Variants in ANXA3 observed in about 807,000 individuals in gnomAD.
The protein encoded by ANXA3 is annexin A3.
A neutral mutation model predicts 48.8 loss-of-function variants in ANXA3; 46 were observed. That is an observed-to-expected ratio of 0.94 (90% confidence interval 0.74 to 1.21). ANXA3 has a LOEUF of 1.21. ANXA3 is among the 50% of genes most tolerant of loss of function. ANXA3 has a pLI of 0.00. For missense variants in ANXA3, 383 were observed against 378.6 expected, an observed-to-expected ratio of 1.01 and a Z score of -0.10; for synonymous variants, 128 against 134.7, an observed-to-expected ratio of 0.95 and a Z score of 0.35.
intron 1 of ANXA3, among the ~76,000 whole-genome samples, 186 bp from the exon 2 acceptor site, chr4:78,554,250 G>A (rs1281641671): frequency 6.6e-6 from 1 of 152,090 alleles, no homozygotes; most frequent in East Asian, 1.9e-4. Context: ...CCTTGCATAT[G>A]GTAGATGCTC....
At chr4:78,604,977 C>T (rs1220089410) in intron 12 of ANXA3, among the ~76,000 whole-genome samples, 3 of 152,154 alleles carry the variant, frequency 2.0e-5, no homozygotes, top group African/African-American at 7.2e-5. Context: ...GGGATGAATT[C>T]TCAGAAGTAG....
chr4:78,605,486 T>C (rs1457880275), intron 12 of ANXA3, among the ~76,000 whole-genome samples: 1 of 152,230 alleles, frequency 6.6e-6, no homozygotes. Context: ...TCTAAGACGT[T>C]TTTCACATAA....
intron 2 of ANXA3, among the ~76,000 whole-genome samples, chr4:78,558,777 TTATTGGTTTG>T (rs1421919608): frequency 6.6e-6 from 1 of 152,232 alleles, no homozygotes; most frequent in Non-Finnish European, 1.5e-5. Flanking sequence ...GCCTGATATC[TTATTGGTTTG>T]TACTCCTTGG....
chr4:78,595,541 T>C, intron 8 of ANXA3, 104 bp downstream of exon 8: 1 of 342,504 alleles, frequency 2.9e-6, no homozygotes, highest in Non-Finnish European at 4.3e-6. Flanking sequence ...GGGACTTTTC[T>C]TTTTTTTTTT....
intron 7 of ANXA3, among the ~76,000 whole-genome samples, chr4:78,593,477 C>G (rs1050364312): frequency 6.6e-6 from 1 of 151,258 alleles, no homozygotes; most frequent in Non-Finnish European, 1.5e-5. Context: ...GCTGGGATTA[C>G]AGGCGTGAGC....
Position 78,604,222 on chromosome 4 carries a change from A to G in ANXA3, c.790-55A>G, listed in dbSNP as rs1001969742. On this transcript the variant is annotated intron_variant, in intron 11 of 12. Transcript: ENST00000264908. ...CTGATTCTTATAAATATAGATCTCT[A>G]TGTTGCTTTGTGACCAATGACATTT... is the stretch of plus-strand genomic sequence containing the variant. The G allele has an allele frequency of 3.4e-5, 52 of 1,516,136 alleles. No individual in the cohort carries two copies. The Admixed American group carries it at 3.5e-4, about 10-fold the overall frequency. The allele number at this position is 1,516,136 out of a possible 1,614,324, so 93.9% of individuals were successfully genotyped here. A position where few individuals can be genotyped will look rare whatever the true frequency, so the allele number is the denominator to read the frequency against.
At chr4:78,582,878 A>T (rs1329487574) in intron 5 of ANXA3, among the ~76,000 whole-genome samples, 1 of 152,162 alleles carries the variant, frequency 6.6e-6, no homozygotes, top group Non-Finnish European at 1.5e-5. Context: ...TACCTGCATA[A>T]ATTTCCAATG....
Position 78,601,653 on chromosome 4 carries a change from A to G in ANXA3, c.789+85A>G. On this transcript the variant is annotated intron_variant, in intron 11 of 12. Coordinates refer to ENST00000264908, the MANE Select transcript of ANXA3 (RefSeq NM_005139.3). ...CAAATAGTAGAACAAATATTTAAAA[A>G]TTAGTTATTTTAATGTAATTTAAAC... 3.5e-6 allele frequency: 4 copies of G among 1,148,054 alleles called. No individual in the cohort carries two copies. The African/African-American group carries it at 6.3e-5, about 18-fold the overall frequency. The allele number at this position is 1,148,054 out of a possible 1,614,324, so 71.1% of individuals were successfully genotyped here. A position where few individuals can be genotyped will look rare whatever the true frequency, so the allele number is the denominator to read the frequency against.
chr4:78,588,687 G>A (rs1426623436), intron 6 of ANXA3, among the ~76,000 whole-genome samples: 1 of 152,072 alleles, frequency 6.6e-6, no homozygotes, highest in Non-Finnish European at 1.5e-5. Flanking sequence ...TAGGAAGCTG[G>A]AGCCAGTTGC....
chr4:78,572,134 T>C (rs1722851439), intron 2 of ANXA3, among the ~76,000 whole-genome samples: 1 of 152,248 alleles, frequency 6.6e-6, no homozygotes, highest in Non-Finnish European at 1.5e-5. Flanking sequence ...AATTTCAGCT[T>C]TCTTGTTGCT....
At chr4:78,572,108 A>C (rs993866798) in intron 2 of ANXA3, among the ~76,000 whole-genome samples, 2 of 152,244 alleles carry the variant, frequency 1.3e-5, no homozygotes, top group African/African-American at 4.8e-5. Context: ...CACTTGAAAA[A>C]TAAGAAGATT....
In ANXA3 at chr4:78,573,286, T is replaced by C. The variant is rs1443184145; in HGVS notation, c.103+19T>C. On this transcript the variant is annotated intron_variant, in intron 3 of 12. Transcript: ENST00000264908. Reference sequence around the variant, plus strand: ...GGAATTGGTGAGTGATATTTTACAATTCCTTTCTTAATGTTGAAGCAAATC... The same window carrying C: ...GGAATTGGTGAGTGATATTTTACAACTCCTTTCTTAATGTTGAAGCAAATC... The C allele has an allele frequency of 2.5e-6, 4 of 1,574,860 alleles. No homozygotes were observed. The highest frequency in any genetic ancestry group is 3.5e-6 in the Non-Finnish European group (4 of 1,145,618).
At chr4:78,552,715 C>A (rs556980040) in intron 1 of ANXA3, among the ~76,000 whole-genome samples, 1 of 152,138 alleles carries the variant, frequency 6.6e-6, no homozygotes, top group Non-Finnish European at 1.5e-5. Context: ...CCCTGCCCTC[C>A]GGGAAAGATA....
chr4:78,573,802 T>C (rs1327474395), intron 3 of ANXA3, among the ~76,000 whole-genome samples: 2 of 152,182 alleles, frequency 1.3e-5, no homozygotes, highest in African/African-American at 2.4e-5. Flanking sequence ...AATGTCGGTG[T>C]TTCCGGAACT....
At chr4:78,603,986 C>A in intron 11 of ANXA3, 1 of 219,448 alleles carries the variant, frequency 4.6e-6, no homozygotes, top group African/African-American at 2.3e-5. Context: ...ATATTTTCAA[C>A]ATGTCAGACT....
chr4:78,570,075 A>G (rs1164698397), intron 2 of ANXA3, among the ~76,000 whole-genome samples: 5 of 152,268 alleles, frequency 3.3e-5, no homozygotes, highest in African/African-American at 1.2e-4. Flanking sequence ...AAGTCTATCA[A>G]ATGAATAATG....
intron 7 of ANXA3, among the ~76,000 whole-genome samples, chr4:78,593,049 G>A (rs570501343): frequency 3.3e-5 from 5 of 151,442 alleles, no homozygotes; most frequent in African/African-American, 9.7e-5. Context: ...AGGCAATCCC[G>A]TGTTTTGGTT....
intron 2 of ANXA3, among the ~76,000 whole-genome samples, chr4:78,559,440 A>G (rs1409503094): frequency 1.3e-5 from 2 of 152,196 alleles, no homozygotes; most frequent in Non-Finnish European, 2.9e-5. Context: ...AACTGTTAGT[A>G]ACATCCTAAC....
intron 7 of ANXA3, among the ~76,000 whole-genome samples, chr4:78,591,978 G>A (rs1723307298): frequency 6.6e-6 from 1 of 151,986 alleles, no homozygotes; most frequent in Admixed American, 6.6e-5. Flanking sequence ...TTTTCTTCTG[G>A]ACTCTGAAGA....
Sources: allele counts gnomAD v4.1 joint callset (sites outside exome capture counted in the v4.1 genomes callset), GRCh38; gene constraint gnomAD v4.1.1; transcripts MANE v1.5; gene names NCBI Gene and HGNC (gene_info 2026-07-23, HGNC 2026-07-21).